The following CRB1 variants were observed in gnomAD, a reference collection of about 807,000 sequenced individuals.
CRB1 encodes the protein protein crumbs homolog 1.
In CRB1, 83 loss-of-function variants were observed where a neutral mutation model predicts 120.0. That is an observed-to-expected ratio of 0.69 (90% CI 0.58 to 0.83). The LOEUF (loss-of-function observed/expected upper bound fraction) is 0.83. Among genes scored for constraint, CRB1 ranks in the 40% least tolerant of loss-of-function variants. CRB1 has a pLI of 0.00. For missense variants in CRB1, 1,699 were observed against 1,687.6 expected (o/e 1.01, Z -0.12); for synonymous variants, 625 against 612.5 (o/e 1.02, Z -0.30).
chr1:197,424,139 G>T (rs891054490), intron 6 of CRB1, among the ~76,000 whole-genome samples: 1 of 152,104 alleles, frequency 6.6e-6, no homozygotes, highest in African/African-American at 2.4e-5. Context: ...TATAGAAAAA[G>T]ATTCATTCTA....
the CRB1 span, among the ~76,000 whole-genome samples, chr1:197,224,772 A>G: frequency 6.6e-6 from 1 of 152,094 alleles, no homozygotes; most frequent in African/African-American, 2.4e-5. Flanking sequence ...TTAGCAGTCT[A>G]TGCATTTATT....
intron 1 of CRB1, among the ~76,000 whole-genome samples, chr1:197,280,462 C>T (rs947697586): frequency 6.6e-6 from 1 of 151,800 alleles, no homozygotes; most frequent in Non-Finnish European, 1.5e-5. Context: ...TAAATATCAA[C>T]ATACTGTATG....
chr1:197,242,723 GT>G, the CRB1 span, among the ~76,000 whole-genome samples: 9 of 152,046 alleles, frequency 5.9e-5, no homozygotes, highest in Admixed American at 5.9e-4. Context: ...TTTTTATATT[GT>G]TTGGAATAGT....
At chr1:197,434,618 A>G (rs1405870078) in intron 8 of CRB1, 88 bp from the exon 9 acceptor site, 27 of 1,184,260 alleles carry the variant, frequency 2.3e-5, no homozygotes, top group Non-Finnish European at 3.1e-5. Flanking sequence ...CAATGTTATT[A>G]ACACAATGAT....
chr1:197,261,907 A>G, the CRB1 span, among the ~76,000 whole-genome samples: 1 of 152,186 alleles, frequency 6.6e-6, no homozygotes, highest in Admixed American at 6.5e-5. Context: ...GAGATGCTGT[A>G]TTAACTGAGA....
At chr1:197,235,611 C>T in the CRB1 span, among the ~76,000 whole-genome samples, 2 of 152,086 alleles carry the variant, frequency 1.3e-5, no homozygotes, top group East Asian at 1.9e-4. Flanking sequence ...TCAGCGAAAC[C>T]ACCCACTGAG....
chr1:197,450,599 T>C (rs1263190907), intron 11 of CRB1, among the ~76,000 whole-genome samples: 1 of 151,736 alleles, frequency 6.6e-6, no homozygotes, highest in Non-Finnish European at 1.5e-5. Context: ...CTTCACATAT[T>C]TGAAACGTTA....
intron 5 of CRB1, among the ~76,000 whole-genome samples, chr1:197,367,205 T>C (rs1373397617): frequency 6.6e-6 from 1 of 152,196 alleles, no homozygotes; most frequent in African/African-American, 2.4e-5. Flanking sequence ...GGCTGCTTCT[T>C]TGTATTCTGT....
chr1:197,386,842 C>T (rs1662241025), intron 5 of CRB1, among the ~76,000 whole-genome samples: 2 of 152,018 alleles, frequency 1.3e-5, no homozygotes, highest in Admixed American at 1.3e-4. Flanking sequence ...GAATATTTTC[C>T]CTGCTTTTAT....
chr1:197,447,716 G>T (rs1279672760), intron 11 of CRB1, among the ~76,000 whole-genome samples: 2 of 151,944 alleles, frequency 1.3e-5, no homozygotes, highest in Non-Finnish European at 2.9e-5. Context: ...AATTAGTTTG[G>T]CATGTGCCTG....
chr1:197,469,590 T>C (rs943576269), intron 11 of CRB1, among the ~76,000 whole-genome samples: 24 of 152,146 alleles, frequency 1.6e-4, no homozygotes, highest in Non-Finnish European at 2.1e-4. Context: ...GAATCTTTAG[T>C]TAGCAACCAC....
At chr1:197,476,872 G>T (rs549911564) in intron 11 of CRB1, among the ~76,000 whole-genome samples, 1 of 152,232 alleles carries the variant, frequency 6.6e-6, no homozygotes, top group South Asian at 2.1e-4. Context: ...ATATTTCTGT[G>T]CAACTCAGTC....
intron 5 of CRB1, among the ~76,000 whole-genome samples, chr1:197,396,000 A>G (rs1488142406): frequency 4.6e-5 from 7 of 152,154 alleles, no homozygotes; most frequent in Admixed American, 3.9e-4. Flanking sequence ...TCAGTGCAAC[A>G]TGGTAAGAAA....
the CRB1 span, among the ~76,000 whole-genome samples, chr1:197,247,563 T>C: frequency 1.3e-5 from 2 of 152,100 alleles, no homozygotes; most frequent in Non-Finnish European, 2.9e-5. Flanking sequence ...AGGTACAGAA[T>C]ACTAATCACA....
intron 1 of CRB1, among the ~76,000 whole-genome samples, chr1:197,280,029 G>A (rs972526907): frequency 5.9e-5 from 9 of 151,920 alleles, no homozygotes; most frequent in African/African-American, 2.2e-4. Context: ...AAGGCTTGGA[G>A]TGCACAAGTA....
At chr1:197,459,998 C>T (rs961633222) in intron 11 of CRB1, among the ~76,000 whole-genome samples, 7 of 51,898 alleles carry the variant, frequency 1.3e-4, no homozygotes, top group African/African-American at 2.1e-4. Context: ...TTTAAGCCCC[C>T]CTCTTTTTTT....
At chr1:197,291,176 T>C (rs1297938593) in intron 1 of CRB1, among the ~76,000 whole-genome samples, 2 of 151,838 alleles carry the variant, frequency 1.3e-5, no homozygotes, top group African/African-American at 4.8e-5. Flanking sequence ...CCATGCAAGA[T>C]AATTCATTTC....
intron 2 of CRB1, among the ~76,000 whole-genome samples, chr1:197,331,065 G>T (rs914051998): frequency 6.6e-6 from 1 of 151,724 alleles, no homozygotes; most frequent in South Asian, 2.1e-4. Flanking sequence ...GCCTGTAGTC[G>T]CAGCTACTCA....
chr1:197,440,682 A>G (rs975236871), intron 10 of CRB1: 1 of 152,278 alleles, frequency 6.6e-6, no homozygotes, highest in Non-Finnish European at 1.5e-5. Context: ...ATAGTGGGCT[A>G]TCTCCCATGG....
Sources: allele counts gnomAD v4.1 joint callset (sites outside exome capture counted in the v4.1 genomes callset), GRCh38; gene constraint gnomAD v4.1.1; transcripts MANE v1.5; gene names NCBI Gene and HGNC (gene_info 2026-07-23, HGNC 2026-07-21).